The following CACNA1A variants were observed in gnomAD, a reference collection of about 807,000 sequenced individuals.
CACNA1A encodes the protein voltage-dependent P/Q-type calcium channel subunit alpha-1A.
CACNA1A carries 57 observed loss-of-function variants against 262.4 expected under a neutral mutation model. The ratio of observed to expected loss-of-function variants is 0.22; its 90% CI spans 0.18 to 0.27. The LOEUF (loss-of-function observed/expected upper bound fraction) is 0.27, where lower values mean the gene tolerates loss of function less well. Among genes scored for constraint, CACNA1A ranks in the 10% least tolerant of loss-of-function variants. The pLI is 1.00. For synonymous variants in CACNA1A, 1,431 were observed against 1,419.3 expected (o/e 1.01, Z -0.18); for missense variants, 2,526 against 3,562.8 (o/e 0.71, Z 7.41).
intron 38 of CACNA1A, among the ~76,000 whole-genome samples, chr19:13,223,141 C>G (rs1404012530): frequency 2.6e-5 from 4 of 152,162 alleles, no homozygotes; most frequent in Non-Finnish European, 5.9e-5. Context: ...ACTCTCATCT[C>G]TGCCTCCTGA....
chr19:13,439,380 GTCTGGGT>G (rs2060672081), intron 3 of CACNA1A, among the ~76,000 whole-genome samples: 1 of 146,936 alleles, frequency 6.8e-6, no homozygotes, highest in African/African-American at 2.5e-5. Context: ...CTCAGGATCA[GTCTGGGT>G]TCTGGGTTCT....
chr19:13,361,762 T>C (rs907264024), intron 5 of CACNA1A, among the ~76,000 whole-genome samples: 1 of 152,170 alleles, frequency 6.6e-6, no homozygotes, highest in Non-Finnish European at 1.5e-5. Flanking sequence ...ACATGAACTA[T>C]TATTTGATAA....
chr19:13,214,446 CT>C lies in CACNA1A; in HGVS notation c.5839+54del. The C allele has an allele frequency of 6.4e-7, 1 of 1,558,146 alleles. No homozygotes were observed. Among genetic ancestry groups the C allele is most frequent in the Non-Finnish European group, 8.8e-7 (1 of 1,133,310 alleles). ...CACTCTCCCCAGGCCTCCCCTTTCC[CT>C]CCCCCTCCATCTGTCCTGGTGGATT... On this transcript the variant is annotated intron_variant, in intron 39 of 46. Coordinates refer to ENST00000360228, the MANE Select transcript of CACNA1A (RefSeq NM_001127222.2). The surrounding 1 kb of genome is among the most constrained non-coding windows in gnomAD (Gnocchi z 4.1).
chr19:13,284,868 C>G (rs1236390483), intron 21 of CACNA1A, among the ~76,000 whole-genome samples, 200 bp downstream of exon 21: 3 of 152,186 alleles, frequency 2.0e-5, no homozygotes, highest in Admixed American at 2.0e-4. Flanking sequence ...GATGGCAGGA[C>G]AGGGGTCTCT....
chr19:13,503,759 T>C (rs1380052149), intron 1 of CACNA1A, among the ~76,000 whole-genome samples: 2 of 151,874 alleles, frequency 1.3e-5, no homozygotes, highest in African/African-American at 4.8e-5. Flanking sequence ...TATAATGTGT[T>C]TGTTACCTCG....
Position 13,295,495 on chromosome 19 carries a change from C to CTT in CACNA1A, c.3089+3047_3089+3048dup, listed in dbSNP as rs199565067. 1.5e-3 allele frequency among the ~76,000 whole-genome samples: 218 copies of CTT among 141,036 alleles called. 1 individual carries two copies. Among genetic ancestry groups the CTT allele is most frequent in the Middle Eastern group, 0.015 (4 of 264 alleles). The allele number at this position is 141,036 out of a possible 152,430, so 92.5% of individuals were successfully genotyped here. ...GTTTGGGTTTTTTCTTTCTTTCTTT[C>CTT]TTTTTTTTTTTTTTGAGACAAGGAC... is the stretch of plus-strand genomic sequence containing the variant. On this transcript the variant is annotated intron_variant, in intron 19 of 46. Coordinates refer to ENST00000360228, the MANE Select transcript of CACNA1A (RefSeq NM_001127222.2).
At chr19:13,219,998 C>T (rs1042666432) in intron 38 of CACNA1A, among the ~76,000 whole-genome samples, 4 of 151,920 alleles carry the variant, frequency 2.6e-5, no homozygotes, top group Non-Finnish European at 4.4e-5. Context: ...TGGCTCACTC[C>T]TGTAATCCCA....
At chr19:13,429,800 T>G (rs2060472062) in intron 3 of CACNA1A, among the ~76,000 whole-genome samples, 1 of 151,528 alleles carries the variant, frequency 6.6e-6, no homozygotes, top group South Asian at 2.1e-4. Flanking sequence ...AGAAGGAAAT[T>G]CTGACTCATG....
At chr19:13,294,220 C>A (rs67511354) in intron 19 of CACNA1A, among the ~76,000 whole-genome samples, 3,575 of 99,472 alleles carry the variant, frequency 0.036, 81 homozygotes, top group South Asian at 0.089. Context: ...AAAAAAAAAA[C>A]AAACAAAACC....
intron 1 of CACNA1A, among the ~76,000 whole-genome samples, chr19:13,503,126 T>C (rs1465550319): frequency 1.3e-5 from 2 of 152,080 alleles, no homozygotes; most frequent in African/African-American, 4.8e-5. Context: ...CAAATGCCCA[T>C]CAACAGTAGA....
In CACNA1A at chr19:13,241,036, T is replaced by C. The variant is rs1187739654; in HGVS notation, c.4950+4146A>G. On this transcript the variant is annotated intron_variant, in intron 31 of 46. Coordinates refer to ENST00000360228, the MANE Select transcript of CACNA1A (RefSeq NM_001127222.2). The surrounding 1 kb of genome is among the most constrained non-coding windows in gnomAD (Gnocchi z 4.0). ...CTCTGCTGGTCAAGGCCAAAGATCT[T>C]GTGGGCTTGAGATGGAGGATTGGGG... Among the ~76,000 whole-genome samples, 3 of 152,130 alleles carry C rather than the reference T, an allele frequency of 2.0e-5. No homozygotes were observed. The highest frequency in any genetic ancestry group is 4.8e-5 in the African/African-American group (2 of 41,434).
In CACNA1A at chr19:13,464,738, C is replaced by CG. The variant is rs551816464; in HGVS notation, c.294-9527dup. ...TAATTTTTAGTATTTTTAGTAGAGA[C>CG]GGGGTTTCACCGTGTTAGCCAGGGT... On this transcript the variant is annotated intron_variant, in intron 1 of 46. Coordinates refer to ENST00000360228, the MANE Select transcript of CACNA1A (RefSeq NM_001127222.2). Among the ~76,000 whole-genome samples the CG allele has an allele frequency of 4.5e-3, 686 of 150,812 alleles. 4 individuals are homozygous for CG. Among genetic ancestry groups the CG allele is most frequent in the Non-Finnish European group, 7.1e-3 (481 of 67,724 alleles).
At chr19:13,453,552 C>T (rs1039925943) in intron 2 of CACNA1A, among the ~76,000 whole-genome samples, 4 of 152,122 alleles carry the variant, frequency 2.6e-5, no homozygotes, top group African/African-American at 9.7e-5. Flanking sequence ...TAAATCTGAC[C>T]CCTTAGGATG....
chr19:13,356,637 A>T (rs2059011835), intron 6 of CACNA1A, among the ~76,000 whole-genome samples: 1 of 151,964 alleles, frequency 6.6e-6, no homozygotes, highest in Non-Finnish European at 1.5e-5. Flanking sequence ...TGGTCATCCA[A>T]CCCTGTGACA....
In CACNA1A at chr19:13,299,328, G is replaced by C; in HGVS notation, c.2305C>G (p.Pro769Ala). The part of the protein sequence containing the change: ...AVKEQQKNQK[P>A]AKSVWEQRTS... ...CGCTGCTCCCACACGGACTTGGCTG[G>C]CTTTTGATTCTTCTGTTGCTCTTTC... The change falls in exon 19 of 47, where the codon CCA becomes GCA. Residue 769 changes from proline (P) to alanine (A), a missense_variant. Pro to Ala is a conservative substitution (Grantham distance 27). Around this residue, in one of 17 missense-constraint regions of CACNA1A, gnomAD observed 765 missense variants for 748.6 expected, o/e 1.02. Coordinates refer to ENST00000360228, the MANE Select transcript of CACNA1A (RefSeq NM_001127222.2). The C allele has an allele frequency of 6.2e-7, 1 of 1,600,178 alleles. No homozygotes were observed. The highest frequency in any genetic ancestry group is 8.5e-7 in the Non-Finnish European group (1 of 1,179,758).
At chr19:13,497,185 A>G (rs1047172649) in intron 1 of CACNA1A, among the ~76,000 whole-genome samples, 12 of 151,996 alleles carry the variant, frequency 7.9e-5, no homozygotes, top group Non-Finnish European at 1.5e-4. Flanking sequence ...AGAGAAAATG[A>G]TGAGTAAGCT....
chr19:13,363,600 G>C (rs1328995000), intron 5 of CACNA1A: 3 of 152,060 alleles, frequency 2.0e-5, no homozygotes, highest in African/African-American at 7.3e-5. Flanking sequence ...GGAGTGGGGA[G>C]GGAGGGCTCA....
chr19:13,227,020 G>T (rs1375455231), intron 37 of CACNA1A: 1 of 153,388 alleles, frequency 6.5e-6, no homozygotes, highest in African/African-American at 2.4e-5. Flanking sequence ...TCTCTGCAAG[G>T]CGCCTGCCCC....
At chr19:13,302,122 T>G (rs1187456698) in intron 17 of CACNA1A, among the ~76,000 whole-genome samples, 1 of 152,160 alleles carries the variant, frequency 6.6e-6, no homozygotes, top group African/African-American at 2.4e-5. Flanking sequence ...CGGCCTGGGT[T>G]CAAATCCCAG....
Sources: gnomAD v4.1 joint callset for allele counts (sites outside exome capture counted in the v4.1 genomes callset) on GRCh38, gnomAD v4.1.1 for gene constraint, gnomAD v4.1.1 regional missense constraint, Gnocchi (gnomAD v3.1) non-coding constraint, MANE v1.5 for transcripts, NCBI Gene and HGNC (gene_info 2026-07-23, HGNC 2026-07-21) for gene names.